The following RAB43 variants were observed in gnomAD, a reference collection of about 807,000 sequenced individuals.
RAB43 encodes ras-related protein Rab-43.
A neutral mutation model predicts 18.8 loss-of-function variants in RAB43; 6 were observed. The ratio of observed to expected loss-of-function variants is 0.32; its 90% CI spans 0.17 to 0.63. The LOEUF is 0.63. RAB43 is among the 30% of genes least tolerant of loss of function. The pLI, the probability that RAB43 is intolerant of heterozygous loss-of-function variation, is 0.79. For missense variants in RAB43, 195 were observed against 289.1 expected, an observed-to-expected ratio of 0.67 and a Z score of 2.36; for synonymous variants, 103 against 124.1, an observed-to-expected ratio of 0.83 and a Z score of 1.13.
chr3:129,105,780 CA>C (rs111242035), intron 1 of RAB43, among the ~76,000 whole-genome samples: 1,678 of 89,612 alleles, frequency 0.019, 25 homozygotes, highest in African/African-American at 0.055. Context: ...AACTCCATCT[CA>C]AAAAAAAAAA....
rs111228908 is a variant in RAB43 at position 129,104,913 on chromosome 3, A to G, written c.205-9744T>C. ...AAAGTCTCTCATTTTCCCTGACACC[A>G]TGGGCCTGTGGTCCAACCCTGAGCA... On this transcript the variant is annotated intron_variant, in intron 1 of 2. Transcript: ENST00000315150. Among the ~76,000 whole-genome samples the G allele has an allele frequency of 5.7e-3, 871 of 152,182 alleles. 3 individuals carry two copies. The highest frequency in any genetic ancestry group is 0.015 in the African/African-American group (619 of 41,504).
intron 1 of RAB43, among the ~76,000 whole-genome samples, chr3:129,111,115 CT>C (rs1209255927): frequency 2.0e-5 from 3 of 152,036 alleles, no homozygotes; most frequent in Non-Finnish European, 4.4e-5. Flanking sequence ...AGGTGGTCTC[CT>C]TTTTTCACTT....
At chr3:129,091,668 C>A (rs1288356900) in intron 2 of RAB43, among the ~76,000 whole-genome samples, 1 of 151,942 alleles carries the variant, frequency 6.6e-6, no homozygotes, top group Non-Finnish European at 1.5e-5. Flanking sequence ...TCATTACATT[C>A]CAAACAATCT....
intron 2 of RAB43, chr3:129,092,448 G>A (rs2107976272): frequency 4.4e-6 from 3 of 675,172 alleles, no homozygotes; most frequent in South Asian, 1.6e-5. Context: ...CAGGGTAATG[G>A]GTACCTGGGG....
At chr3:129,096,664 G>A (rs1934078786) in intron 1 of RAB43, among the ~76,000 whole-genome samples, 1 of 152,164 alleles carries the variant, frequency 6.6e-6, no homozygotes, top group Non-Finnish European at 1.5e-5. Context: ...GGAAAGAATA[G>A]TATCTTTTTT....
intron 2 of RAB43, among the ~76,000 whole-genome samples, chr3:129,093,230 A>G (rs1213675494): frequency 1.3e-5 from 2 of 151,908 alleles, no homozygotes; most frequent in South Asian, 2.1e-4. Flanking sequence ...AACTCAGGCA[A>G]TCCACCCACC....
chr3:129,092,606 G>C lies in RAB43; in HGVS notation c.389-1260C>G, dbSNP rs77482932. 2,688 of 658,780 alleles carry C rather than the reference G, an allele frequency of 4.1e-3. 39 individuals are homozygous for C. In the African/African-American group the frequency reaches 0.043, roughly 11 times the overall value. 40.8% of individuals were successfully genotyped at this position (658,780 alleles called of 1,614,324 possible). A position where few individuals can be genotyped will look rare whatever the true frequency, so the allele number is the denominator to read the frequency against. ...CAGGACTGCATCTCTAAAAATATATGTATGTATATAAGTATGCATAAATAA... is the reference window on the plus strand; with the variant it reads ...CAGGACTGCATCTCTAAAAATATATCTATGTATATAAGTATGCATAAATAA... On this transcript the variant is annotated intron_variant, in intron 2 of 2. Transcript: ENST00000315150.
chr3:129,110,038 T>A (rs1335256333), intron 1 of RAB43, among the ~76,000 whole-genome samples: 1 of 151,924 alleles, frequency 6.6e-6, no homozygotes. Flanking sequence ...CTAATTTTTT[T>A]ATTTTTTGCA....
At chr3:129,106,228 G>A (rs1190429884) in intron 1 of RAB43, among the ~76,000 whole-genome samples, 1 of 152,230 alleles carries the variant, frequency 6.6e-6, no homozygotes. Context: ...TTTCTCCTGA[G>A]TAACGAAGCA....
rs762625140 is a variant in RAB43 at position 129,121,453 on chromosome 3, C to T, written c.37G>A (p.Glu13Lys). 2.5e-6 allele frequency: 4 copies of T among 1,612,772 alleles called. No homozygotes were observed. Among genetic ancestry groups the T allele is most frequent in the Non-Finnish European group, 3.4e-6 (4 of 1,179,472 alleles). ...GPGPGPGDPD[E>K]QYDFLFKLVL... ...AGCTTGAACAGGAAATCGTACTGCT[C>T]GTCCGGGTCCCCCGGGCCTGGGCCC... The change falls in exon 1 of 3, where the codon GAG (glutamate) becomes AAG (lysine). Residue 13 changes from glutamate to lysine, a missense_variant. By Grantham distance (56) the Glu-to-Lys change is moderately conservative. Coordinates refer to ENST00000315150, the MANE Select transcript of RAB43 (RefSeq NM_198490.3).
intron 2 of RAB43, among the ~76,000 whole-genome samples, chr3:129,093,338 G>A (rs1027950041): frequency 6.6e-6 from 1 of 152,120 alleles, no homozygotes; most frequent in Non-Finnish European, 1.5e-5. Context: ...GTGGCTGGGT[G>A]TGGTGGCTCA....
At chr3:129,116,987 A>C (rs1935579360) in intron 1 of RAB43, among the ~76,000 whole-genome samples, 1 of 151,996 alleles carries the variant, frequency 6.6e-6, no homozygotes, top group Admixed American at 6.6e-5. Context: ...TTCAGACCTA[A>C]TCTGTCTCAT....
chr3:129,094,151 C>T (rs1484952855), intron 2 of RAB43, among the ~76,000 whole-genome samples: 1 of 152,218 alleles, frequency 6.6e-6, no homozygotes, highest in East Asian at 1.9e-4. Context: ...GGGCCCCACC[C>T]AGCCCGCCTG....
chr3:129,104,116 C>T (rs146266398), intron 1 of RAB43, among the ~76,000 whole-genome samples: 3 of 152,242 alleles, frequency 2.0e-5, no homozygotes, highest in Non-Finnish European at 4.4e-5. Flanking sequence ...GAGGAGAGTA[C>T]TGAGGACCAT....
Position 129,090,978 on chromosome 3 carries a change from C to G in RAB43, c.*118G>C. ...GGCCACAGGATGCAGAGCTCCAGAG[C>G]TTCACCCGGCTGCTGTAGTTGCCGG... is the stretch of plus-strand genomic sequence containing the variant. On this transcript the variant is annotated 3_prime_UTR_variant, in exon 3 of 3. Coordinates refer to ENST00000315150, the MANE Select transcript of RAB43 (RefSeq NM_198490.3). The G allele has an allele frequency of 1.6e-6, 1 of 616,004 alleles. No individual in the cohort carries two copies. Among genetic ancestry groups the G allele is most frequent in the Non-Finnish European group, 2.8e-6 (1 of 352,806 alleles). 38.2% of individuals were successfully genotyped at this position (616,004 alleles called of 1,614,324 possible).
At chr3:129,112,406 C>T (rs1385338023) in intron 1 of RAB43, among the ~76,000 whole-genome samples, 3 of 152,076 alleles carry the variant, frequency 2.0e-5, no homozygotes, top group African/African-American at 7.2e-5. Context: ...GGTTATCTGG[C>T]TTGAAATGAC....
Position 129,095,858 on chromosome 3 carries a change from G to A in RAB43, c.205-689C>T, listed in dbSNP as rs886620937. On this transcript the variant is annotated intron_variant, in intron 1 of 2. Coordinates refer to ENST00000315150, the MANE Select transcript of RAB43 (RefSeq NM_198490.3). The surrounding 1 kb of genome is among the most constrained non-coding windows in gnomAD (Gnocchi z 4.2). Reference sequence around the variant, plus strand: ...GAGAAGAGGTGCCCATGGGTGGGAGGAGCTTCCCTAGTGTCTTTTAGAAGC... The same window carrying A: ...GAGAAGAGGTGCCCATGGGTGGGAGAAGCTTCCCTAGTGTCTTTTAGAAGC... Among the ~76,000 whole-genome samples, 1 of 152,216 alleles carries A rather than the reference G, an allele frequency of 6.6e-6. No homozygotes were observed. Among genetic ancestry groups the A allele is most frequent in the Non-Finnish European group, 1.5e-5 (1 of 68,038 alleles).
Position 129,105,391 on chromosome 3 carries a change from T to C in RAB43, c.205-10222A>G, listed in dbSNP as rs75355763. On this transcript the variant is annotated intron_variant, in intron 1 of 2. Transcript: ENST00000315150. ...CTGCTTGAACCTGGGAGATGGAGGT[T>C]GCAGTGAGCCGAGATCGTGCCACTG... Among the ~76,000 whole-genome samples the C allele has an allele frequency of 0.016, 2,452 of 152,186 alleles. 165 individuals are homozygous for C. The East Asian group carries it at 0.22, about 14-fold the overall frequency.
intron 1 of RAB43, among the ~76,000 whole-genome samples, chr3:129,108,949 A>G (rs1934963246): frequency 6.6e-6 from 1 of 152,082 alleles, no homozygotes; most frequent in South Asian, 2.1e-4. Context: ...GAATGGTTTA[A>G]CTTTAGGCTC....
Sources: gnomAD v4.1 joint callset for allele counts (sites outside exome capture counted in the v4.1 genomes callset) on GRCh38, gnomAD v4.1.1 for gene constraint, Gnocchi (gnomAD v3.1) non-coding constraint, MANE v1.5 for transcripts, NCBI Gene and HGNC (gene_info 2026-07-23, HGNC 2026-07-21) for gene names.